RARB: variants seen among roughly 807,000 people sequenced by gnomAD.
The protein encoded by RARB is retinoic acid receptor beta.
RARB carries 17 observed loss-of-function variants against 51.9 expected under a neutral mutation model. That is an observed-to-expected ratio of 0.33 (90% CI 0.22 to 0.49). RARB has a LOEUF of 0.49. Ranked by LOEUF, RARB falls within the 20% of genes least tolerant of loss-of-function variation. The pLI is 0.99. For synonymous variants in RARB, 215 were observed against 195.4 expected (o/e 1.10, Z -0.84); for missense variants, 369 against 550.8 (o/e 0.67, Z 3.30).
intron 2 of RARB, among the ~76,000 whole-genome samples, chr3:24,975,848 C>T (rs1234713991): frequency 6.6e-6 from 1 of 151,974 alleles, no homozygotes; most frequent in African/African-American, 2.4e-5. Context: ...TATATGTGTG[C>T]CATGCTGGTT....
chr3:25,258,405 C>G (rs1315116262), intron 5 of RARB, among the ~76,000 whole-genome samples: 1 of 152,096 alleles, frequency 6.6e-6, no homozygotes, highest in African/African-American at 2.4e-5. Flanking sequence ...TGCAGGATTC[C>G]TCAGGGAAAT....
chr3:25,575,063 C>G (rs1038860475), intron 4 of RARB, among the ~76,000 whole-genome samples: 10 of 152,146 alleles, frequency 6.6e-5, no homozygotes, highest in Admixed American at 3.3e-4. Context: ...CTTCTTGGCA[C>G]CAGGGACCAG....
intron 2 of RARB, among the ~76,000 whole-genome samples, chr3:25,028,907 A>C (rs935166193): frequency 6.6e-6 from 1 of 152,032 alleles, no homozygotes; most frequent in Non-Finnish European, 1.5e-5. Context: ...GACCATGTTA[A>C]CCTCCAACTC....
At chr3:24,907,278 A>G (rs779946805) in intron 2 of RARB, among the ~76,000 whole-genome samples, 1 of 152,242 alleles carries the variant, frequency 6.6e-6, no homozygotes, top group Non-Finnish European at 1.5e-5. Flanking sequence ...GCCTTACTCC[A>G]GTGATCTGAT....
chr3:24,897,026 TG>T (rs1703492497), intron 2 of RARB, among the ~76,000 whole-genome samples: 1 of 152,214 alleles, frequency 6.6e-6, no homozygotes, highest in South Asian at 2.1e-4. Context: ...GGAAAACGAC[TG>T]GAAGTCAGAG....
intron 4 of RARB, among the ~76,000 whole-genome samples, chr3:25,161,006 T>TTTGTTGTTG (rs879753755): frequency 1.3e-5 from 2 of 151,542 alleles, no homozygotes; most frequent in Non-Finnish European, 2.9e-5. Flanking sequence ...TCATCTCCTT[T>TTTGTTGTTG]TTGTTGTTGT....
chr3:25,495,196 G>A (rs1021284071), intron 2 of RARB, among the ~76,000 whole-genome samples: 2 of 152,128 alleles, frequency 1.3e-5, no homozygotes, highest in Non-Finnish European at 2.9e-5. Context: ...AGGTGAAACG[G>A]GGTTCATGTG....
At chr3:25,301,734 T>C (rs1402126330) in intron 5 of RARB, among the ~76,000 whole-genome samples, 1 of 152,304 alleles carries the variant, frequency 6.6e-6, no homozygotes, top group East Asian at 1.9e-4. Context: ...CCCTAACATC[T>C]GAGGCTCTTG....
intron 5 of RARB, among the ~76,000 whole-genome samples, chr3:25,583,107 T>C (rs141087312): frequency 2.9e-4 from 44 of 152,190 alleles, no homozygotes; most frequent in African/African-American, 9.9e-4. Context: ...GTCCCGATAG[T>C]TAAAGGGCAA....
chr3:25,494,693 A>G (rs2125596755), intron 2 of RARB, among the ~76,000 whole-genome samples: 1 of 152,326 alleles, frequency 6.6e-6, no homozygotes, highest in South Asian at 2.1e-4. Context: ...CATCGAGTGA[A>G]TGTATCAAAA....
At chr3:25,233,943 T>A (rs761652535) in intron 5 of RARB, among the ~76,000 whole-genome samples, 1 of 152,100 alleles carries the variant, frequency 6.6e-6, no homozygotes, top group Admixed American at 6.6e-5. Context: ...TTTTCTGATA[T>A]ATTATTCTTT....
rs180872682 is a variant in RARB, at chr3:25,169,701, A to T, written c.-279-4418A>T. Among the ~76,000 whole-genome samples, 313 of 152,218 alleles carry T rather than the reference A, an allele frequency of 2.1e-3. 1 individual carries two copies. Among genetic ancestry groups the T allele is most frequent in the African/African-American group, 7.3e-3 (303 of 41,560 alleles). On this transcript the variant is annotated intron_variant, in intron 4 of 11. Transcript: ENST00000383772. ...TAGTAGGAACCAATAGATAAAAAAA[A>T]TTTTGGCTGGGCACAGTGACTCATG...
intron 5 of RARB, among the ~76,000 whole-genome samples, chr3:25,354,607 C>A (rs1705675854): frequency 1.3e-5 from 2 of 152,142 alleles, no homozygotes; most frequent in Admixed American, 6.6e-5. Context: ...GCTGAACTTA[C>A]TCGGCTCCCC....
chr3:25,014,046 C>G (rs576228569), intron 2 of RARB, among the ~76,000 whole-genome samples: 1 of 152,078 alleles, frequency 6.6e-6, no homozygotes. Context: ...ACTCATGTGA[C>G]AAGATGAGAG....
intron 2 of RARB, among the ~76,000 whole-genome samples, chr3:24,925,654 TTA>T (rs1491161621): frequency 7.9e-6 from 1 of 126,094 alleles, no homozygotes; most frequent in African/African-American, 3.7e-5. Flanking sequence ...TTTTTTTTTT[TTA>T]AAAAAAAAAA....
At chr3:24,935,460 C>T (rs1416543912) in intron 2 of RARB, among the ~76,000 whole-genome samples, 2 of 152,000 alleles carry the variant, frequency 1.3e-5, no homozygotes, top group South Asian at 4.2e-4. Context: ...GTGTCTGAGC[C>T]TTCTTTTGTG....
chr3:25,591,440 C>T (rs1031003847), intron 5 of RARB, among the ~76,000 whole-genome samples: 2 of 152,142 alleles, frequency 1.3e-5, no homozygotes, highest in Non-Finnish European at 2.9e-5. Context: ...GATTATCTAA[C>T]CTTAGAGAGG....
intron 3 of RARB, among the ~76,000 whole-genome samples, chr3:25,560,653 C>G (rs969090968): frequency 6.6e-6 from 1 of 152,176 alleles, no homozygotes; most frequent in African/African-American, 2.4e-5. Flanking sequence ...TTATAGAGCA[C>G]CAGGCTGGAA....
intron 2 of RARB, among the ~76,000 whole-genome samples, chr3:25,469,201 G>A (rs1695581269): frequency 6.6e-6 from 1 of 152,220 alleles, no homozygotes; most frequent in South Asian, 2.1e-4. Flanking sequence ...CAAGCAGAAT[G>A]TTCAGTCACA....
Sources: gnomAD v4.1 joint callset for allele counts (sites outside exome capture counted in the v4.1 genomes callset) on GRCh38, gnomAD v4.1.1 for gene constraint, MANE v1.5 for transcripts, NCBI Gene and HGNC (gene_info 2026-07-23, HGNC 2026-07-21) for gene names.